MOB3B: variants seen among roughly 807,000 people sequenced by gnomAD.
The protein encoded by MOB3B is MOB kinase activator-like 2B.
A neutral mutation model predicts 18.7 loss-of-function variants in MOB3B; 7 were observed. That is an observed-to-expected ratio of 0.37 (90% CI 0.21 to 0.70). The LOEUF (loss-of-function observed/expected upper bound fraction) is 0.70. MOB3B is among the 30% of genes least tolerant of loss of function. The pLI is 0.52. For missense variants in MOB3B, 253 were observed against 281.3 expected (o/e 0.90, Z 0.72); for synonymous variants, 111 against 99.9 (o/e 1.11, Z -0.66).
At chr9:27,459,702 A>T (rs1819249031) in intron 1 of MOB3B, among the ~76,000 whole-genome samples, 2 of 152,028 alleles carry the variant, frequency 1.3e-5, no homozygotes, top group African/African-American at 4.8e-5. Context: ...ATCTGGACTG[A>T]CTTGTATAGC....
Position 27,455,648 on chromosome 9 carries a change from C to T in MOB3B, c.-98G>A, listed in dbSNP as rs1227553350. On this transcript the variant is annotated 5_prime_UTR_variant, in exon 2 of 4. Transcript: ENST00000262244. ...GCCCAACAGTGTTTTCCACTGCCAG[C>T]ACTCAGGCCCCAGTCTTACAGCCTG... 90 of 1,573,062 alleles carry T rather than the reference C, an allele frequency of 5.7e-5. No homozygotes were observed. The highest frequency in any genetic ancestry group is 7.4e-5 in the Non-Finnish European group (86 of 1,166,978).
chr9:27,494,498 C>T (rs773322210), intron 1 of MOB3B, among the ~76,000 whole-genome samples: 11 of 152,112 alleles, frequency 7.2e-5, no homozygotes, highest in Non-Finnish European at 1.2e-4. Flanking sequence ...ATTTCTCAAG[C>T]TGGCCGATGC....
intron 1 of MOB3B, among the ~76,000 whole-genome samples, chr9:27,473,494 C>A (rs1253239829): frequency 6.6e-6 from 1 of 152,094 alleles, no homozygotes; most frequent in Non-Finnish European, 1.5e-5. Flanking sequence ...AGAGAGGGAC[C>A]TGTTGCCCTG....
intron 2 of MOB3B, among the ~76,000 whole-genome samples, chr9:27,387,023 G>A (rs1821658887): frequency 6.6e-6 from 1 of 152,164 alleles, no homozygotes; most frequent in Admixed American, 6.5e-5. Flanking sequence ...TGGCAGAGTT[G>A]CTTCTGCGTA....
chr9:27,473,701 A>G (rs1819509684), intron 1 of MOB3B, among the ~76,000 whole-genome samples: 1 of 151,662 alleles, frequency 6.6e-6, no homozygotes, highest in Non-Finnish European at 1.5e-5. Flanking sequence ...GAGGTCATGC[A>G]CTCTCCCCAG....
chr9:27,330,311 G>A lies in MOB3B; in HGVS notation c.*276C>T, dbSNP rs1820768105. 8.0e-6 allele frequency: 3 copies of A among 373,740 alleles called. No homozygotes were observed. Among genetic ancestry groups the A allele is most frequent in the Non-Finnish European group, 4.8e-6 (1 of 206,714 alleles). The allele number at this position is 373,740 out of a possible 1,614,324, so 23.2% of individuals were successfully genotyped here. On this transcript the variant is annotated 3_prime_UTR_variant, in exon 4 of 4. Transcript: ENST00000262244. ...CTGTGCCATGTGTGGAAGTGCAGAG[G>A]CTTCCTCGTGGACAATTCCCCAGCC...
chr9:27,472,284 G>C lies in MOB3B; in HGVS notation c.-198-16536C>G, dbSNP rs1416285325. Among the ~76,000 whole-genome samples, 6 of 142,392 alleles carry C rather than the reference G, an allele frequency of 4.2e-5. No individual in the cohort carries two copies. In the East Asian group the frequency reaches 1.2e-3, roughly 29 times the overall value. The allele number at this position is 142,392 out of a possible 152,430, so 93.4% of individuals were successfully genotyped here. ...TTTCTTAAAAACAATAAAAGCTACA[G>C]AAAAAAAAAAGGCTTTAAAAGTCTC... is the stretch of plus-strand genomic sequence containing the variant. On this transcript the variant is annotated intron_variant, in intron 1 of 3. Coordinates refer to ENST00000262244, the MANE Select transcript of MOB3B (RefSeq NM_024761.5).
chr9:27,480,004 C>G (rs1450889340), intron 1 of MOB3B, among the ~76,000 whole-genome samples: 1 of 149,496 alleles, frequency 6.7e-6, no homozygotes, highest in African/African-American at 2.5e-5. Context: ...TAACAGTGAG[C>G]TATGACTGCA....
chr9:27,471,059 G>A (rs1207717602), intron 1 of MOB3B, among the ~76,000 whole-genome samples: 1 of 152,076 alleles, frequency 6.6e-6, no homozygotes, highest in Non-Finnish European at 1.5e-5. Context: ...GGTTTCCTGG[G>A]GACACTCGGA....
intron 1 of MOB3B, among the ~76,000 whole-genome samples, chr9:27,503,046 G>A (rs375651459): frequency 6.6e-6 from 1 of 152,162 alleles, no homozygotes; most frequent in Non-Finnish European, 1.5e-5. Context: ...TTCAGAGAAT[G>A]AGAGATGCTG....
chr9:27,527,649 G>A (rs148692667), intron 1 of MOB3B, among the ~76,000 whole-genome samples: 4 of 152,332 alleles, frequency 2.6e-5, no homozygotes, highest in Non-Finnish European at 5.9e-5. Flanking sequence ...AATCAAAAGT[G>A]TAATTGAGCT....
intron 3 of MOB3B, among the ~76,000 whole-genome samples, chr9:27,356,483 C>G (rs993808226): frequency 1.3e-5 from 2 of 152,184 alleles, no homozygotes; most frequent in Admixed American, 6.5e-5. Context: ...TAGAAAATAA[C>G]TGAGTTTTCT....
At chr9:27,482,385 C>G (rs944724368) in intron 1 of MOB3B, among the ~76,000 whole-genome samples, 1 of 152,156 alleles carries the variant, frequency 6.6e-6, no homozygotes, top group Non-Finnish European at 1.5e-5. Context: ...GATACCTGGG[C>G]TTATCTAGCT....
At chr9:27,394,706 G>A (rs1237526234) in intron 2 of MOB3B, among the ~76,000 whole-genome samples, 1 of 152,138 alleles carries the variant, frequency 6.6e-6, no homozygotes, top group African/African-American at 2.4e-5. Context: ...AGGAGTAGGT[G>A]GCAGAGAAGT....
intron 2 of MOB3B, among the ~76,000 whole-genome samples, chr9:27,439,376 T>C (rs564766483): frequency 2.6e-5 from 4 of 152,338 alleles, no homozygotes; most frequent in African/African-American, 9.6e-5. Context: ...GTGAGACTTT[T>C]ATCTTTAAAA....
intron 2 of MOB3B, among the ~76,000 whole-genome samples, chr9:27,409,310 T>A (rs1020718607): frequency 1.4e-4 from 21 of 152,230 alleles, no homozygotes; most frequent in African/African-American, 5.1e-4. Flanking sequence ...AGCTAGACAC[T>A]ATTTAATTCA....
chr9:27,358,682 A>G (rs1821227979), intron 3 of MOB3B, among the ~76,000 whole-genome samples: 1 of 152,228 alleles, frequency 6.6e-6, no homozygotes, highest in South Asian at 2.1e-4. Context: ...ATAATCTTTG[A>G]TTAACAGAGT....
At chr9:27,451,385 G>A (rs1390992489) in intron 2 of MOB3B, among the ~76,000 whole-genome samples, 3 of 152,202 alleles carry the variant, frequency 2.0e-5, no homozygotes, top group Non-Finnish European at 4.4e-5. Flanking sequence ...TCAAGAGAGA[G>A]TAAGGGAAAC....
intron 1 of MOB3B, among the ~76,000 whole-genome samples, chr9:27,464,112 G>C (rs1819338889): frequency 6.6e-6 from 1 of 152,072 alleles, no homozygotes; most frequent in African/African-American, 2.4e-5. Flanking sequence ...ACTGATAAAA[G>C]AAACTATGAC....
Sources: allele counts gnomAD v4.1 joint callset (sites outside exome capture counted in the v4.1 genomes callset), GRCh38; gene constraint gnomAD v4.1.1; transcripts MANE v1.5; gene names NCBI Gene and HGNC (gene_info 2026-07-23, HGNC 2026-07-21).